MYBPC1: variants seen among roughly 807,000 people sequenced by gnomAD.
MYBPC1 encodes myosin binding protein C1, also known as myosin-binding protein C, slow-type.
A neutral mutation model predicts 147.1 loss-of-function variants in MYBPC1; 52 were observed. That is an observed-to-expected ratio of 0.35 (90% CI 0.28 to 0.45). The LOEUF is 0.45. Among genes scored for constraint, MYBPC1 ranks in the 20% least tolerant of loss-of-function variants. The probability of loss-of-function intolerance (pLI) is 1.00; values close to 1 mark genes in which losing one functional copy is unlikely to be tolerated. For missense variants in MYBPC1, 1,228 were observed against 1,440.3 expected, an observed-to-expected ratio of 0.85 and a Z score of 2.39; for synonymous variants, 477 against 475.9, an observed-to-expected ratio of 1.00 and a Z score of -0.03.
chr12:101,692,880 C>A, the MYBPC1 span, among the ~76,000 whole-genome samples: 1 of 151,284 alleles, frequency 6.6e-6, no homozygotes, highest in African/African-American at 2.4e-5. Context: ...AGCAAAGAAG[C>A]ACATGGGAAA....
intron 1 of MYBPC1, among the ~76,000 whole-genome samples, chr12:101,604,456 G>C (rs1380186369): frequency 6.6e-6 from 1 of 152,126 alleles, no homozygotes; most frequent in African/African-American, 2.4e-5. Flanking sequence ...AATAAATATG[G>C]ATTAAATTGA....
At position 101,629,516 on chromosome 12, in the gene MYBPC1, A is replaced by G; in HGVS notation, c.261A>G (p.Glu87=). The change falls in exon 6 of 32, where the codon GAA becomes GAG. Residue 87 remains glutamate (E), a synonymous_variant. Coordinates refer to ENST00000361466, the MANE Select transcript of MYBPC1 (RefSeq NM_002465.4). ...CCCAGCTGTCCATCTTGTTCATTGAAAAACCTCAAGGAGGAACAGTGAAAG... is the reference window on the plus strand; with the variant it reads ...CCCAGCTGTCCATCTTGTTCATTGAGAAACCTCAAGGAGGAACAGTGAAAG... ...ANSQLSILFI[E]KPQGGTVKVG... 1 of 1,613,780 alleles carries G rather than the reference A, an allele frequency of 6.2e-7. No homozygotes were observed. The highest frequency in any genetic ancestry group is 1.1e-5 in the South Asian group (1 of 91,074).
chr12:101,695,210 A>G, the MYBPC1 span, among the ~76,000 whole-genome samples: 3 of 152,242 alleles, frequency 2.0e-5, no homozygotes, highest in Admixed American at 6.5e-5. Context: ...ACATATTCCA[A>G]GACCCACAAC....
At chr12:101,693,244 C>G in the MYBPC1 span, among the ~76,000 whole-genome samples, 2 of 152,096 alleles carry the variant, frequency 1.3e-5, no homozygotes, top group Non-Finnish European at 2.9e-5. Flanking sequence ...CCGCGCCCAG[C>G]CTACTTTCAC....
At chr12:101,599,852 G>A (rs963468691) in intron 1 of MYBPC1, among the ~76,000 whole-genome samples, 3 of 152,126 alleles carry the variant, frequency 2.0e-5, no homozygotes, top group African/African-American at 7.2e-5. Flanking sequence ...TGCTGTGCTG[G>A]AGATTCATGG....
At position 101,663,475 on chromosome 12, in the gene MYBPC1, G is replaced by A. The variant is rs764196097; in HGVS notation, c.2271G>A (p.Thr757=). 2.5e-5 allele frequency: 40 copies of A among 1,613,858 alleles called. No individual in the cohort carries two copies. The East Asian group carries it at 7.8e-4, about 31-fold the overall frequency. ...TLLTVDSVTD[T]TVTMRWRPPD... is the part of the protein sequence containing the mutation. Reference sequence around the variant, plus strand: ...TGACTGTGGACTCTGTCACTGACACGACTGTCACGATGAGGTGGCGCCCCC... The same window carrying A: ...TGACTGTGGACTCTGTCACTGACACAACTGTCACGATGAGGTGGCGCCCCC... The change falls in exon 22 of 32, where the codon ACG becomes ACA. Residue 757 remains threonine, a synonymous_variant. Coordinates refer to ENST00000361466, the MANE Select transcript of MYBPC1 (RefSeq NM_002465.4).
intron 21 of MYBPC1, 108 bp from the exon 22 acceptor site, chr12:101,663,318 G>T: frequency 1.0e-6 from 1 of 972,658 alleles, no homozygotes; most frequent in South Asian, 1.3e-5. Context: ...TTAAGATGTA[G>T]GGCTTTTGTG....
Position 101,649,245 on chromosome 12 carries a change from T to C in MYBPC1, c.1197-15T>C, listed in dbSNP as rs192797758. On this transcript the variant is annotated splice_polypyrimidine_tract_variant and intron_variant, in intron 14 of 31. Transcript: ENST00000361466. The stretch of plus-strand genomic sequence containing the variant: ...GATCTTTTACAAACCTTTTTAATAT[T>C]TTATCTTAATTCAGGTTTAAGAATG... 9.9e-6 allele frequency: 16 copies of C among 1,609,136 alleles called. No homozygotes were observed. Among genetic ancestry groups the C allele is most frequent in the African/African-American group, 6.7e-5 (5 of 74,882 alleles).
At chr12:101,613,256 T>A (rs1349331841) in intron 1 of MYBPC1, among the ~76,000 whole-genome samples, 3 of 152,178 alleles carry the variant, frequency 2.0e-5, no homozygotes, top group African/African-American at 7.2e-5. Context: ...CCAGCCTTCC[T>A]AGACTAGAAC....
At chr12:101,636,104 A>G (rs1890931847) in intron 9 of MYBPC1, among the ~76,000 whole-genome samples, 1 of 152,226 alleles carries the variant, frequency 6.6e-6, no homozygotes, top group Non-Finnish European at 1.5e-5. Flanking sequence ...GACAGAAAGG[A>G]ATGCATCTTT....
chr12:101,608,181 A>T (rs1272419934), intron 1 of MYBPC1, among the ~76,000 whole-genome samples: 1 of 152,222 alleles, frequency 6.6e-6, no homozygotes, highest in African/African-American at 2.4e-5. Context: ...GAGGGAGAGA[A>T]AGTCTGTATA....
intron 16 of MYBPC1, 44 bp downstream of exon 16, chr12:101,651,437 C>T: frequency 6.2e-7 from 1 of 1,607,062 alleles, no homozygotes; most frequent in South Asian, 1.1e-5. Context: ...GGTCCCATTT[C>T]TACTTTCTCC....
downstream of MYBPC1, chr12:101,686,050 C>A (rs118004460): frequency 1.9e-5 from 3 of 155,252 alleles, no homozygotes; most frequent in African/African-American, 7.2e-5. Flanking sequence ...TCTTGAAAAC[C>A]CATCTTTCTC....
intron 10 of MYBPC1, among the ~76,000 whole-genome samples, chr12:101,642,071 T>G (rs1322629800): frequency 6.6e-6 from 1 of 152,208 alleles, no homozygotes; most frequent in African/African-American, 2.4e-5. Flanking sequence ...AGATGAAAAC[T>G]GTTAAGTTTC....
intron 26 of MYBPC1, among the ~76,000 whole-genome samples, chr12:101,675,811 T>C (rs1281200368): frequency 2.0e-5 from 3 of 152,260 alleles, no homozygotes; most frequent in African/African-American, 7.2e-5. Context: ...CTCAAGACTT[T>C]GACTCAGATT....
At chr12:101,666,859 G>T in intron 22 of MYBPC1, 2 of 1,383,646 alleles carry the variant, frequency 1.4e-6, no homozygotes. Flanking sequence ...TGGGAATATT[G>T]AATGACCAAG....
intron 31 of MYBPC1, 121 bp downstream of exon 31, chr12:101,684,545 C>T: frequency 3.9e-6 from 3 of 764,204 alleles, no homozygotes; most frequent in Non-Finnish European, 6.4e-6. Flanking sequence ...TTTTAAATCC[C>T]TAACTTTGTA....
chr12:101,651,142 T>A, intron 15 of MYBPC1, 89 bp from the exon 16 acceptor site: 2 of 1,364,902 alleles, frequency 1.5e-6, no homozygotes, highest in Non-Finnish European at 2.1e-6. Context: ...AACATTGTAG[T>A]AGAGCTCACT....
intron 29 of MYBPC1, among the ~76,000 whole-genome samples, chr12:101,681,984 AT>A (rs138344520): frequency 0.041 from 6,179 of 151,586 alleles, 202 homozygotes; most frequent in South Asian, 0.15. Context: ...AAAAGATTTG[AT>A]TTTTTTTTCC....
Sources: gnomAD v4.1 joint callset for allele counts (sites outside exome capture counted in the v4.1 genomes callset) on GRCh38, gnomAD v4.1.1 for gene constraint, MANE v1.5 for transcripts, NCBI Gene and HGNC (gene_info 2026-07-23, HGNC 2026-07-21) for gene names.